Variants in ERC1 observed in about 807,000 individuals in gnomAD.
ERC1 encodes ELKS/RAB6-interacting/CAST family member 1.
A neutral mutation model predicts 132.0 loss-of-function variants in ERC1; 56 were observed. The observed-to-expected ratio is 0.42, with a 90% CI of 0.34 to 0.53. The LOEUF is 0.53. Among genes scored for constraint, ERC1 ranks in the 20% least tolerant of loss-of-function variants. The pLI is 0.03. For synonymous variants in ERC1, 478 were observed against 476.1 expected, an observed-to-expected ratio of 1.00 and a Z score of -0.05; for missense variants, 1,202 against 1,349.9, an observed-to-expected ratio of 0.89 and a Z score of 1.72.
intron 16 of ERC1, among the ~76,000 whole-genome samples, chr12:1,392,016 A>G (rs1329336639): frequency 6.6e-6 from 1 of 151,598 alleles, no homozygotes; most frequent in African/African-American, 2.4e-5. Context: ...TGTGCTGGAG[A>G]AAAAAAAATA....
intron 3 of ERC1, among the ~76,000 whole-genome samples, chr12:1,099,950 C>T (rs531877905): frequency 2.7e-5 from 4 of 146,470 alleles, no homozygotes; most frequent in Non-Finnish European, 5.9e-5. Flanking sequence ...TGGGTTCAAG[C>T]CATTCTCCTG....
At chr12:1,310,179 T>C (rs2081195896) in intron 15 of ERC1, among the ~76,000 whole-genome samples, 1 of 143,728 alleles carries the variant, frequency 7.0e-6, no homozygotes, top group Non-Finnish European at 1.5e-5. Context: ...TTAAGGAAGT[T>C]AATACATGTA....
intron 2 of ERC1, among the ~76,000 whole-genome samples, chr12:1,045,513 C>G (rs1477145905): frequency 6.6e-6 from 1 of 151,884 alleles, no homozygotes; most frequent in Non-Finnish European, 1.5e-5. Flanking sequence ...TTTATAGATA[C>G]CATCCTAGAT....
intron 15 of ERC1, among the ~76,000 whole-genome samples, chr12:1,350,762 T>A (rs2084922876): frequency 6.6e-6 from 1 of 152,166 alleles, no homozygotes; most frequent in Admixed American, 6.5e-5. Context: ...TGTAACAAGG[T>A]TTATTTAGCT....
intron 15 of ERC1, among the ~76,000 whole-genome samples, chr12:1,320,922 T>C (rs962808365): frequency 7.9e-5 from 12 of 152,140 alleles, no homozygotes; most frequent in African/African-American, 1.4e-4. Flanking sequence ...AGGATGGTCT[T>C]GATCTCCTGA....
chr12:1,299,988 A>T (rs2080266167), intron 15 of ERC1, among the ~76,000 whole-genome samples: 1 of 152,190 alleles, frequency 6.6e-6, no homozygotes, highest in Non-Finnish European at 1.5e-5. Flanking sequence ...ATGGAACCAA[A>T]AAAGAGCCCA....
intron 8 of ERC1, among the ~76,000 whole-genome samples, chr12:1,179,520 T>A (rs1339349002): frequency 8.6e-6 from 1 of 115,832 alleles, no homozygotes; most frequent in Non-Finnish European, 1.9e-5. Context: ...TTTTTTTTTT[T>A]TTTTTGAGAC....
chr12:1,401,748 TAAAA>T (rs60523460), intron 16 of ERC1, among the ~76,000 whole-genome samples: 3,248 of 115,330 alleles, frequency 0.028, 40 homozygotes, highest in Middle Eastern at 0.084. Flanking sequence ...GGGAGGGCGG[TAAAA>T]AAAAAAAAAA....
intron 2 of ERC1, among the ~76,000 whole-genome samples, chr12:1,069,501 T>G (rs1298079933): frequency 6.6e-6 from 1 of 152,160 alleles, no homozygotes; most frequent in Non-Finnish European, 1.5e-5. Context: ...GATGGAGGTG[T>G]ATTTATTATA....
intron 15 of ERC1, among the ~76,000 whole-genome samples, chr12:1,295,579 A>G (rs1012296693): frequency 5.3e-5 from 8 of 152,184 alleles, no homozygotes; most frequent in African/African-American, 1.9e-4. Context: ...AACTTCAGTT[A>G]TCTAGCTGAG....
rs576645042 is a variant in ERC1, at chr12:1,260,907, G to A, written c.2488-2127G>A. ...GCTTTTGTTTTTCATCCTTATTATC[G>A]AGAAAGATTTTGAACCAGGCTTTGT... On this transcript the variant is annotated intron_variant, in intron 13 of 18. Transcript: ENST00000360905. 6.6e-5 allele frequency among the ~76,000 whole-genome samples: 10 copies of A among 152,018 alleles called. No homozygotes were observed. The South Asian group carries it at 1.9e-3, about 28-fold the overall frequency.
In ERC1 at chr12:1,173,753, GAATAATGTGGTAACA is replaced by G. The variant is rs528719654; in HGVS notation, c.1738-6786_1738-6772del. Among the ~76,000 whole-genome samples, 479 of 152,306 alleles carry G rather than the reference GAATAATGTGGTAACA, an allele frequency of 3.1e-3. 3 individuals are homozygous for G. The highest frequency in any genetic ancestry group is 0.01 in the African/African-American group (427 of 41,558). On this transcript the variant is annotated intron_variant, in intron 8 of 18. Transcript: ENST00000360905. ...GTGAAAAAGAAGAGAATAATGACAA[GAATAATGTGGTAACA>G]TTCATTCTTCAGCTGGTCAGTGACA...
At chr12:1,289,469 A>G (rs2079281410) in intron 14 of ERC1, among the ~76,000 whole-genome samples, 1 of 151,980 alleles carries the variant, frequency 6.6e-6, no homozygotes, top group Non-Finnish European at 1.5e-5. Flanking sequence ...TATGTCTTTT[A>G]TTTCCTAAAA....
chr12:1,200,687 T>G (rs551724101), intron 12 of ERC1, among the ~76,000 whole-genome samples: 107 of 152,132 alleles, frequency 7.0e-4, no homozygotes, highest in African/African-American at 2.5e-3. Flanking sequence ...CCCTCCTGAG[T>G]AGCTGGGACT....
At chr12:1,038,797 A>T (rs192184620) in intron 2 of ERC1, among the ~76,000 whole-genome samples, 2 of 152,230 alleles carry the variant, frequency 1.3e-5, no homozygotes, top group Non-Finnish European at 2.9e-5. Flanking sequence ...CTGTCAGCAG[A>T]GTGGATTGAA....
intron 17 of ERC1, among the ~76,000 whole-genome samples, chr12:1,409,699 A>G (rs2091727574): frequency 6.6e-6 from 1 of 151,896 alleles, no homozygotes; most frequent in Non-Finnish European, 1.5e-5. Flanking sequence ...ATCCTCCCAT[A>G]TACTGTGTTT....
chr12:992,538 C>A (rs752161684), intron 1 of ERC1, among the ~76,000 whole-genome samples: 3 of 151,248 alleles, frequency 2.0e-5, no homozygotes, highest in African/African-American at 7.3e-5. Flanking sequence ...AAATGGAACT[C>A]TTTTTTTTTG....
chr12:1,069,619 C>G (rs542008947), intron 2 of ERC1, among the ~76,000 whole-genome samples: 2 of 152,114 alleles, frequency 1.3e-5, no homozygotes, highest in African/African-American at 2.4e-5. Context: ...CTCCAGAATA[C>G]TTAGGGCAGA....
chr12:1,062,676 T>C (rs2154176529), intron 2 of ERC1, among the ~76,000 whole-genome samples: 1 of 152,354 alleles, frequency 6.6e-6, no homozygotes, highest in South Asian at 2.1e-4. Context: ...GGAGAATGTA[T>C]ATTCTGTAGC....
Sources: allele counts gnomAD v4.1 joint callset (sites outside exome capture counted in the v4.1 genomes callset), GRCh38; gene constraint gnomAD v4.1.1; transcripts MANE v1.5; gene names NCBI Gene and HGNC (gene_info 2026-07-23, HGNC 2026-07-21).